MAPK14: variants seen among roughly 807,000 people sequenced by gnomAD.
MAPK14 encodes the protein CSAID-binding protein.
In MAPK14, 16 loss-of-function variants were observed where a neutral mutation model predicts 49.6. The observed-to-expected ratio is 0.32, with a 90% CI of 0.22 to 0.49. The LOEUF is 0.49. MAPK14 is among the 20% of genes least tolerant of loss of function. MAPK14 has a pLI of 0.99. For missense variants in MAPK14, 200 were observed against 441.2 expected (o/e 0.45, Z 4.90); for synonymous variants, 142 against 158.0 (o/e 0.90, Z 0.76).
At chr6:36,104,755 A>G (rs1438709237) in intron 10 of MAPK14, among the ~76,000 whole-genome samples, 4 of 152,204 alleles carry the variant, frequency 2.6e-5, no homozygotes, top group African/African-American at 9.6e-5. Flanking sequence ...AGTTTTGAAC[A>G]GGGCAGTACT....
At chr6:36,100,701 T>C (rs1765605463) in intron 9 of MAPK14, among the ~76,000 whole-genome samples, 1 of 152,240 alleles carries the variant, frequency 6.6e-6, no homozygotes, top group Admixed American at 6.5e-5. Context: ...TAATATGTAC[T>C]ATATTTAAAA....
At chr6:36,036,481 A>G (rs757435293) in intron 1 of MAPK14, among the ~76,000 whole-genome samples, 14 of 152,218 alleles carry the variant, frequency 9.2e-5, no homozygotes, top group Non-Finnish European at 1.5e-4. Flanking sequence ...GTAAAATGCT[A>G]TCAAACACCA....
the MAPK14 span, among the ~76,000 whole-genome samples, chr6:36,118,307 C>T: frequency 6.6e-6 from 1 of 152,328 alleles, no homozygotes; most frequent in African/African-American, 2.4e-5. Context: ...CTATTAGGTA[C>T]CTTCCATCTG....
chr6:36,111,420 G>GT (rs914979665), downstream of MAPK14, among the ~76,000 whole-genome samples: 2 of 152,010 alleles, frequency 1.3e-5, no homozygotes, highest in Non-Finnish European at 2.9e-5. Context: ...TGAAGTTCAG[G>GT]TTTTTTTCAT....
chr6:36,038,239 A>G (rs1218380213), intron 1 of MAPK14, among the ~76,000 whole-genome samples: 1 of 152,320 alleles, frequency 6.6e-6, no homozygotes, highest in African/African-American at 2.4e-5. Flanking sequence ...CACTGGTTGG[A>G]CATGGGTGAG....
intron 1 of MAPK14, among the ~76,000 whole-genome samples, chr6:36,032,840 C>T (rs1234580778): frequency 6.6e-6 from 1 of 152,134 alleles, no homozygotes. Context: ...TATAACAAAA[C>T]CTTTGGTAAA....
rs1216225843 is a variant in MAPK14, at chr6:36,072,504, C to T, written c.306-369C>T. The stretch of plus-strand genomic sequence containing the variant: ...AAGTCGGGCCAGGTGCGGTGGCTCA[C>T]GCTTGTAATCCCAGCACTTTGGGAG... On this transcript the variant is annotated intron_variant, in intron 3 of 11. Transcript: ENST00000229794. 2.0e-5 allele frequency among the ~76,000 whole-genome samples: 3 copies of T among 151,936 alleles called. No individual in the cohort carries two copies. The East Asian group carries it at 5.8e-4, about 29-fold the overall frequency.
At chr6:36,044,554 G>A (rs1373483105) in intron 1 of MAPK14, among the ~76,000 whole-genome samples, 2 of 152,112 alleles carry the variant, frequency 1.3e-5, no homozygotes, top group East Asian at 3.9e-4. Flanking sequence ...ATAAACACAA[G>A]TTCCCTATAT....
chr6:36,059,373 TCC>T (rs1417399945), intron 3 of MAPK14, 26 bp downstream of exon 3: 2 of 1,550,630 alleles, frequency 1.3e-6, no homozygotes, highest in Admixed American at 3.3e-5. Flanking sequence ...GCATTTGCCT[TCC>T]TGGTCTACAG....
chr6:36,061,813 G>A (rs541636328), intron 3 of MAPK14, among the ~76,000 whole-genome samples: 1 of 152,340 alleles, frequency 6.6e-6, no homozygotes, highest in African/African-American at 2.4e-5. Context: ...ACTGTAAAAT[G>A]ATGAGAATTG....
At chr6:36,104,674 A>G (rs761070538) in intron 10 of MAPK14, among the ~76,000 whole-genome samples, 3 of 152,202 alleles carry the variant, frequency 2.0e-5, no homozygotes, top group African/African-American at 4.8e-5. Flanking sequence ...GGCATGAGCC[A>G]CTGCACCCAG....
intron 9 of MAPK14, 40 bp downstream of exon 9, chr6:36,096,106 C>T: frequency 7.1e-7 from 1 of 1,408,808 alleles, no homozygotes; most frequent in South Asian, 1.2e-5. Flanking sequence ...TGTTGGGAGC[C>T]TCTGCCACTT....
intron 8 of MAPK14, chr6:36,091,956 C>G (rs141329734): frequency 0.017 from 5,011 of 288,276 alleles, 63 homozygotes; most frequent in Non-Finnish European, 0.024. Context: ...CTGGTAGTCT[C>G]ATTTACAAAA....
At chr6:36,060,504 C>T (rs1228812394) in intron 3 of MAPK14, among the ~76,000 whole-genome samples, 1 of 152,194 alleles carries the variant, frequency 6.6e-6, no homozygotes, top group African/African-American at 2.4e-5. Context: ...GAGAGTGTTA[C>T]TATTATGAAA....
intron 8 of MAPK14, among the ~76,000 whole-genome samples, chr6:36,079,790 C>T (rs961667407): frequency 6.6e-6 from 1 of 152,094 alleles, no homozygotes; most frequent in African/African-American, 2.4e-5. Flanking sequence ...GTTATAGGCA[C>T]CAGCTGCCTG....
downstream of MAPK14, among the ~76,000 whole-genome samples, chr6:36,114,290 A>G (rs1415225921): frequency 6.6e-6 from 1 of 152,208 alleles, no homozygotes. Flanking sequence ...TTGAAAAAAG[A>G]GTTAACACCC....
intron 3 of MAPK14, among the ~76,000 whole-genome samples, chr6:36,065,455 G>T (rs141249778): frequency 6.6e-6 from 1 of 151,234 alleles, no homozygotes; most frequent in Non-Finnish European, 1.5e-5. Context: ...TGGAAAGGTG[G>T]GGAAAGTACA....
At chr6:36,037,699 T>C (rs1465741053) in intron 1 of MAPK14, among the ~76,000 whole-genome samples, 2 of 152,156 alleles carry the variant, frequency 1.3e-5, no homozygotes, top group African/African-American at 4.8e-5. Flanking sequence ...AGCTATATTC[T>C]GGCCAGGTGC....
intron 1 of MAPK14, among the ~76,000 whole-genome samples, chr6:36,051,362 G>A (rs1763388603): frequency 6.6e-6 from 1 of 152,104 alleles, no homozygotes; most frequent in South Asian, 2.1e-4. Flanking sequence ...TCCCGCCTCG[G>A]CCTCCCAAGG....
Sources: allele counts gnomAD v4.1 joint callset (sites outside exome capture counted in the v4.1 genomes callset), GRCh38; gene constraint gnomAD v4.1.1; transcripts MANE v1.5; gene names NCBI Gene and HGNC (gene_info 2026-07-23, HGNC 2026-07-21).